The following CLNK variants were observed in gnomAD, a reference collection of about 807,000 sequenced individuals.
CLNK encodes cytokine-dependent hematopoietic cell linker.
CLNK carries 74 observed loss-of-function variants against 68.6 expected under a neutral mutation model. The observed-to-expected ratio is 1.08, with a 90% CI of 0.89 to 1.31. The LOEUF is 1.31. Among genes scored for constraint, CLNK ranks in the 50% most tolerant of loss-of-function variants. The probability of loss-of-function intolerance (pLI) is 0.00; values close to 1 mark genes in which losing one functional copy is unlikely to be tolerated. For missense variants in CLNK, 553 were observed against 515.3 expected (o/e 1.07, Z -0.71); for synonymous variants, 198 against 172.2 (o/e 1.15, Z -1.17).
the CLNK span, among the ~76,000 whole-genome samples, chr4:10,690,161 A>T: frequency 1.3e-5 from 2 of 152,110 alleles, no homozygotes; most frequent in Non-Finnish European, 2.9e-5. Context: ...TTGGCATTCA[A>T]ACACATCTGG....
intron 2 of CLNK, among the ~76,000 whole-genome samples, chr4:10,624,885 G>A (rs1475070513): frequency 1.3e-5 from 2 of 152,164 alleles, no homozygotes; most frequent in Admixed American, 6.5e-5. Context: ...GGAGATGTCC[G>A]CCCCACATCT....
chr4:10,625,447 C>T (rs1017027215), intron 2 of CLNK, among the ~76,000 whole-genome samples: 6 of 152,176 alleles, frequency 3.9e-5, no homozygotes, highest in Non-Finnish European at 8.8e-5. Context: ...AGACTGGTCC[C>T]CTTAGACCCA....
chr4:10,650,176 A>G (rs1723671692), intron 2 of CLNK, among the ~76,000 whole-genome samples: 1 of 152,212 alleles, frequency 6.6e-6, no homozygotes, highest in Admixed American at 6.5e-5. Context: ...ATTAACTGAT[A>G]TGTAAATCCT....
chr4:10,615,909 G>C (rs1026825172), intron 2 of CLNK, among the ~76,000 whole-genome samples: 4 of 152,228 alleles, frequency 2.6e-5, no homozygotes, highest in African/African-American at 9.6e-5. Context: ...AAGAAGAGCA[G>C]AGGGAATATT....
At chr4:10,711,044 T>C in the CLNK span, among the ~76,000 whole-genome samples, 1 of 152,216 alleles carries the variant, frequency 6.6e-6, no homozygotes, top group African/African-American at 2.4e-5. Context: ...TGACTTCAGA[T>C]TGGTTTCATG....
At chr4:10,624,554 C>G (rs1031999201) in intron 2 of CLNK, among the ~76,000 whole-genome samples, 1 of 149,764 alleles carries the variant, frequency 6.7e-6, no homozygotes, top group Non-Finnish European at 1.5e-5. Context: ...AGCCTCCCAA[C>G]GTGCTGGGAT....
intron 18 of CLNK, 88 bp downstream of exon 18, chr4:10,501,168 T>G (rs1717028652): frequency 6.0e-6 from 8 of 1,340,004 alleles, no homozygotes; most frequent in Non-Finnish European, 8.0e-6. Flanking sequence ...CAGGGCGGCA[T>G]CCTCTTCCTC....
At chr4:10,696,530 G>T in the CLNK span, among the ~76,000 whole-genome samples, 1 of 152,206 alleles carries the variant, frequency 6.6e-6, no homozygotes, top group Non-Finnish European at 1.5e-5. Flanking sequence ...AACATTGGAA[G>T]ATGTAAGCTG....
chr4:10,606,565 A>G (rs1350711902), intron 2 of CLNK, among the ~76,000 whole-genome samples: 2 of 152,150 alleles, frequency 1.3e-5, no homozygotes, highest in African/African-American at 2.4e-5. Flanking sequence ...ATTGTATGTG[A>G]TATGCTTTTA....
upstream of CLNK, among the ~76,000 whole-genome samples, chr4:10,687,050 A>G (rs1443091357): frequency 6.6e-6 from 1 of 152,178 alleles, no homozygotes; most frequent in African/African-American, 2.4e-5. Context: ...AGAGGTGAAA[A>G]TAAATGAATG....
chr4:10,575,910 C>CT (rs1016804098), intron 4 of CLNK, among the ~76,000 whole-genome samples: 13 of 151,884 alleles, frequency 8.6e-5, no homozygotes, highest in South Asian at 2.1e-4. Flanking sequence ...CTGATTAAGA[C>CT]TTTTTTTTTA....
chr4:10,709,680 C>T, the CLNK span, among the ~76,000 whole-genome samples: 70 of 152,184 alleles, frequency 4.6e-4, 1 homozygote, highest in Middle Eastern at 3.4e-3. Context: ...CAGATTGTGG[C>T]GGAAAGGATG....
intron 3 of CLNK, among the ~76,000 whole-genome samples, chr4:10,592,187 G>C (rs1391556231): frequency 6.6e-6 from 1 of 152,176 alleles, no homozygotes; most frequent in Non-Finnish European, 1.5e-5. Flanking sequence ...AACCTTACTT[G>C]AGTTTTTTTC....
At chr4:10,688,361 A>G (rs572814102), upstream of CLNK, among the ~76,000 whole-genome samples, 1 of 152,284 alleles carries the variant, frequency 6.6e-6, no homozygotes, top group South Asian at 2.1e-4. Context: ...TCTTGGGTAG[A>G]TCATGTGGAA....
chr4:10,650,127 G>T (rs13111831), intron 2 of CLNK, among the ~76,000 whole-genome samples: 67,074 of 151,874 alleles, frequency 0.44, 15,922 homozygotes, highest in Non-Finnish European at 0.54. Context: ...TATATTATAG[G>T]TTTAATACAG....
chr4:10,586,355 G>A (rs1231538861), intron 3 of CLNK, among the ~76,000 whole-genome samples: 1 of 71,582 alleles, frequency 1.4e-5, no homozygotes, highest in East Asian at 4.1e-4. Context: ...TTTTTTTTTT[G>A]AGACAGAGTC....
intron 1 of CLNK, among the ~76,000 whole-genome samples, chr4:10,672,267 T>C (rs1295698215): frequency 2.6e-5 from 4 of 152,200 alleles, no homozygotes; most frequent in African/African-American, 9.7e-5. Context: ...AAGACTGCCA[T>C]TGAAAGTCTC....
intron 2 of CLNK, chr4:10,598,626 C>A (rs901603499): frequency 7.1e-6 from 3 of 423,428 alleles, no homozygotes; most frequent in Non-Finnish European, 1.4e-5. Context: ...TTTGCTAAGG[C>A]ACTTTCTATG....
chr4:10,576,451 C>CT (rs1404602776), intron 4 of CLNK, among the ~76,000 whole-genome samples: 3 of 152,140 alleles, frequency 2.0e-5, no homozygotes, highest in African/African-American at 7.2e-5. Flanking sequence ...AAGGAAACAT[C>CT]TTTTTGCAAG....
Sources: allele counts gnomAD v4.1 joint callset (sites outside exome capture counted in the v4.1 genomes callset), GRCh38; gene constraint gnomAD v4.1.1; transcripts MANE v1.5; gene names NCBI Gene and HGNC (gene_info 2026-07-23, HGNC 2026-07-21).